Variants in ZNF398 observed in about 807,000 individuals in gnomAD.
The protein encoded by ZNF398 is zinc finger protein 398, also known as zinc finger DNA binding protein ZER6.
In ZNF398, 18 loss-of-function variants were observed where a neutral mutation model predicts 41.9. The ratio of observed to expected loss-of-function variants is 0.43; its 90% confidence interval spans 0.30 to 0.64. ZNF398 has a LOEUF of 0.64. Among genes scored for constraint, ZNF398 ranks in the 30% least tolerant of loss-of-function variants. The pLI, the probability that ZNF398 is intolerant of heterozygous loss-of-function variation, is 0.14. For missense variants in ZNF398, 669 were observed against 822.8 expected, an observed-to-expected ratio of 0.81 and a Z score of 2.29; for synonymous variants, 260 against 308.8, an observed-to-expected ratio of 0.84 and a Z score of 1.66.
chr7:149,166,777 A>C, intron 3 of ZNF398, 40 bp from the exon 4 acceptor site: 1 of 1,442,068 alleles, frequency 6.9e-7, no homozygotes, highest in Non-Finnish European at 9.6e-7. Flanking sequence ...ATCCTCATTT[A>C]TCTCTTTGTA....
chr7:149,144,586 C>T (rs1283562488), upstream of ZNF398, among the ~76,000 whole-genome samples: 1 of 146,332 alleles, frequency 6.8e-6, no homozygotes, highest in Non-Finnish European at 1.5e-5. Flanking sequence ...TCGGCTACTA[C>T]ATTTTTTTTT....
chr7:149,173,198 A>G (rs1171172468), intron 4 of ZNF398, among the ~76,000 whole-genome samples: 1 of 138,342 alleles, frequency 7.2e-6, no homozygotes, highest in Non-Finnish European at 1.5e-5. Context: ...TCCGACTCCT[A>G]GGTTCAAGCA....
chr7:149,148,814 A>G (rs1188273084), intron 1 of ZNF398, among the ~76,000 whole-genome samples: 1 of 148,722 alleles, frequency 6.7e-6, no homozygotes, highest in Admixed American at 6.7e-5. Context: ...ACAAATTCGT[A>G]AACTTTCCTA....
At chr7:149,163,176 CAATG>C (rs1795145962) in intron 2 of ZNF398, among the ~76,000 whole-genome samples, 1 of 151,894 alleles carries the variant, frequency 6.6e-6, no homozygotes, top group South Asian at 2.1e-4. Flanking sequence ...CACAATCAAA[CAATG>C]AACAAAATAC....
At chr7:149,174,536 GTTT>G (rs1795422472) in intron 4 of ZNF398, among the ~76,000 whole-genome samples, 3 of 152,178 alleles carry the variant, frequency 2.0e-5, no homozygotes, top group Admixed American at 6.5e-5. Context: ...TAAAAGTCAG[GTTT>G]TTTGGCTAGG....
At chr7:149,167,813 A>C (rs909625604) in intron 4 of ZNF398, among the ~76,000 whole-genome samples, 2 of 151,670 alleles carry the variant, frequency 1.3e-5, no homozygotes, top group Non-Finnish European at 2.9e-5. Flanking sequence ...GGGTTTCACC[A>C]TGTTAGCAAG....
intron 4 of ZNF398, among the ~76,000 whole-genome samples, chr7:149,171,733 T>G (rs1333203258): frequency 1.3e-5 from 2 of 151,798 alleles, no homozygotes; most frequent in Non-Finnish European, 2.9e-5. Flanking sequence ...AGTGCAGTGG[T>G]GTGATCTTGG....
chr7:149,179,825 C>A lies in ZNF398; in HGVS notation c.*24C>A, dbSNP rs1373905323. On this transcript the variant is annotated 3_prime_UTR_variant, in exon 6 of 6. Coordinates refer to ENST00000475153, the MANE Select transcript of ZNF398 (RefSeq NM_170686.3). The surrounding 1 kb of genome is among the most constrained non-coding windows in gnomAD (Gnocchi z 6.1). ...AAATCCAAATCTCTGTGGCTTCATGCTTGTATATGCTCACAGCAGGGCACA... is the reference window on the plus strand; with the variant it reads ...AAATCCAAATCTCTGTGGCTTCATGATTGTATATGCTCACAGCAGGGCACA... The A allele has an allele frequency of 9.7e-6, 15 of 1,539,828 alleles. No individual in the cohort carries two copies. Among genetic ancestry groups the A allele is most frequent in the South Asian group, 1.3e-5 (1 of 79,298 alleles).
intron 5 of ZNF398, among the ~76,000 whole-genome samples, chr7:149,177,045 T>C (rs1047357862): frequency 6.6e-6 from 1 of 152,098 alleles, no homozygotes; most frequent in African/African-American, 2.4e-5. Flanking sequence ...TAAGATACTT[T>C]TGCCATTTGT....
intron 4 of ZNF398, among the ~76,000 whole-genome samples, chr7:149,174,783 G>A (rs1009224809): frequency 9.9e-5 from 15 of 152,248 alleles, no homozygotes; most frequent in Admixed American, 5.2e-4. Flanking sequence ...CCAAGATTAC[G>A]CCACTGTAGT....
intron 4 of ZNF398, among the ~76,000 whole-genome samples, chr7:149,171,491 C>T (rs1795342202): frequency 6.6e-6 from 1 of 152,002 alleles, no homozygotes; most frequent in African/African-American, 2.4e-5. Flanking sequence ...GCCTCAGCCT[C>T]CCCAGTAGCT....
At chr7:149,151,449 C>G (rs537272020) in intron 1 of ZNF398, among the ~76,000 whole-genome samples, 1 of 152,294 alleles carries the variant, frequency 6.6e-6, no homozygotes, top group African/African-American at 2.4e-5. Context: ...AGGTTGTCGT[C>G]AGAGAGTGGC....
intron 2 of ZNF398, among the ~76,000 whole-genome samples, chr7:149,142,385 G>C (rs1212641367): frequency 1.3e-5 from 2 of 151,930 alleles, no homozygotes; most frequent in Non-Finnish European, 2.9e-5. Flanking sequence ...AAGATATTTG[G>C]GGCTGGGAGT....
intron 4 of ZNF398, among the ~76,000 whole-genome samples, chr7:149,172,960 A>T (rs551667924): frequency 1.3e-5 from 2 of 152,298 alleles, no homozygotes; most frequent in African/African-American, 4.8e-5. Flanking sequence ...AAATATTGCT[A>T]AGAATCCTAA....
chr7:149,165,643 A>G (rs778436053), intron 2 of ZNF398, among the ~76,000 whole-genome samples: 17 of 152,206 alleles, frequency 1.1e-4, no homozygotes, highest in Non-Finnish European at 2.2e-4. Context: ...TCCAAAATCA[A>G]TCCTGTTTGC....
At chr7:149,132,781 CAG>C in intron 2 of ZNF398, among the ~76,000 whole-genome samples, 2 of 152,222 alleles carry the variant, frequency 1.3e-5, no homozygotes, top group Middle Eastern at 6.8e-3. Flanking sequence ...GAAAGAAAAA[CAG>C]AAGATGGAGC....
At chr7:149,129,387 G>A (rs1292825137) in intron 2 of ZNF398, among the ~76,000 whole-genome samples, 1 of 151,746 alleles carries the variant, frequency 6.6e-6, no homozygotes, top group Non-Finnish European at 1.5e-5. Context: ...ATTTTTTATT[G>A]TTATTTTTTT....
intron 4 of ZNF398, among the ~76,000 whole-genome samples, chr7:149,172,976 A>T (rs1056830309): frequency 2.4e-4 from 36 of 152,106 alleles, no homozygotes; most frequent in African/African-American, 6.0e-4. Flanking sequence ...CCTAACAATC[A>T]TCTGAACCTT....
At chr7:149,131,108 G>A (rs1266106077) in intron 2 of ZNF398, among the ~76,000 whole-genome samples, 1 of 152,146 alleles carries the variant, frequency 6.6e-6, no homozygotes, top group Admixed American at 6.6e-5. Context: ...ACTGTCTCAA[G>A]TTTTAAGACT....
Sources: allele counts gnomAD v4.1 joint callset (sites outside exome capture counted in the v4.1 genomes callset), GRCh38; gene constraint gnomAD v4.1.1; non-coding constraint Gnocchi (gnomAD v3.1); transcripts MANE v1.5; gene names NCBI Gene and HGNC (gene_info 2026-07-23, HGNC 2026-07-21).